The following STK32A variants were observed in gnomAD, a reference collection of about 807,000 sequenced individuals.
STK32A encodes serine/threonine-protein kinase 32A.
A neutral mutation model predicts 53.2 loss-of-function variants in STK32A; 41 were observed. The ratio of observed to expected loss-of-function variants is 0.77; its 90% CI spans 0.60 to 1.00. The LOEUF (loss-of-function observed/expected upper bound fraction) is 1.00, where lower values mean the gene tolerates loss of function less well. Among genes scored for constraint, STK32A ranks in the 50% least tolerant of loss-of-function variants. The pLI is 0.00. For missense variants in STK32A, 458 were observed against 485.8 expected, an observed-to-expected ratio of 0.94 and a Z score of 0.54; for synonymous variants, 166 against 162.8, an observed-to-expected ratio of 1.02 and a Z score of -0.15.
intron 2 of STK32A, among the ~76,000 whole-genome samples, chr5:147,249,415 C>A (rs1753885879): frequency 6.6e-6 from 1 of 152,134 alleles, no homozygotes; most frequent in Non-Finnish European, 1.5e-5. Flanking sequence ...ATTATATAAT[C>A]ATCATGGTTT....
rs557315382 is a variant in STK32A, at chr5:147,385,419, G to C, written c.*1436G>C. ...CTCCCAAAGTGCTGGGATTACAGGCGTGAGCCACCAAACCTGGCCTTAGAA... is the reference window on the plus strand; with the variant it reads ...CTCCCAAAGTGCTGGGATTACAGGCCTGAGCCACCAAACCTGGCCTTAGAA... On this transcript the variant is annotated 3_prime_UTR_variant, in exon 13 of 13. Coordinates refer to ENST00000397936, the MANE Select transcript of STK32A (RefSeq NM_001112724.2). The C allele has an allele frequency of 1.3e-5, 2 of 152,322 alleles. No individual in the cohort carries two copies. The highest frequency in any genetic ancestry group is 4.2e-4 in the South Asian group (2 of 4,818). The allele number at this position is 152,322 out of a possible 1,614,324, so 9.4% of individuals were successfully genotyped here.
chr5:147,252,705 A>AT (rs993768454), intron 2 of STK32A, among the ~76,000 whole-genome samples: 1 of 152,196 alleles, frequency 6.6e-6, no homozygotes, highest in Admixed American at 6.5e-5. Flanking sequence ...CACTGCTAAT[A>AT]TTTTTGGCTG....
At chr5:147,389,641 G>C (rs527792316), downstream of STK32A, among the ~76,000 whole-genome samples, 214 of 152,264 alleles carry the variant, frequency 1.4e-3, 2 homozygotes, top group Admixed American at 0.013. Flanking sequence ...GGCCGAGGCG[G>C]GTGGATTACT....
chr5:147,315,168 T>C (rs1753932282), intron 4 of STK32A, among the ~76,000 whole-genome samples: 1 of 152,190 alleles, frequency 6.6e-6, no homozygotes, highest in African/African-American at 2.4e-5. Context: ...AGTTGGACAG[T>C]TCTTCAAAAA....
At position 147,386,806 on chromosome 5, in the gene STK32A, C is replaced by T. The variant is rs1313044295; in HGVS notation, c.*2823C>T. ...TGACAGTGCTGATTGTAATCACCTCCCACCACTGTGCATTTTAAACATGAG... is the reference window on the plus strand; with the variant it reads ...TGACAGTGCTGATTGTAATCACCTCTCACCACTGTGCATTTTAAACATGAG... On this transcript the variant is annotated 3_prime_UTR_variant, in exon 13 of 13. Coordinates refer to ENST00000397936, the MANE Select transcript of STK32A (RefSeq NM_001112724.2). 6 of 152,314 alleles carry T rather than the reference C, an allele frequency of 3.9e-5. No individual in the cohort carries two copies. The highest frequency in any genetic ancestry group is 1.9e-4 in the East Asian group (1 of 5,188). 9.4% of individuals were successfully genotyped at this position (152,314 alleles called of 1,614,324 possible).
chr5:147,356,161 C>T (rs1157540135), intron 7 of STK32A, among the ~76,000 whole-genome samples: 1 of 151,892 alleles, frequency 6.6e-6, no homozygotes, highest in Non-Finnish European at 1.5e-5. Context: ...ATCACACAGC[C>T]AGTGATTGGC....
chr5:147,358,138 T>C (rs993641494), intron 7 of STK32A, among the ~76,000 whole-genome samples: 4 of 152,060 alleles, frequency 2.6e-5, no homozygotes, highest in Admixed American at 6.6e-5. Flanking sequence ...TAAAAAAATC[T>C]GAAAACCAAA....
At chr5:147,367,679 C>G (rs529377178) in intron 8 of STK32A, among the ~76,000 whole-genome samples, 1 of 152,098 alleles carries the variant, frequency 6.6e-6, no homozygotes, top group Non-Finnish European at 1.5e-5. Flanking sequence ...TCAGTTAAGG[C>G]AGGAACCGGC....
intron 4 of STK32A, among the ~76,000 whole-genome samples, chr5:147,293,482 A>T (rs1051168636): frequency 1.7e-3 from 19 of 11,496 alleles, no homozygotes; most frequent in African/African-American, 6.7e-3. Flanking sequence ...TTCGAGGTAA[A>T]AAAAAAAAAA....
rs894590923 is a variant in STK32A at position 147,364,701 on chromosome 5, C to T, written c.660+3087C>T. ...CAGCTTCTTTCTTGCCCTCACATGA[C>T]GGAGAGAGAGATAATCTCTTTCTCT... On this transcript the variant is annotated intron_variant, in intron 8 of 12. Coordinates refer to ENST00000397936, the MANE Select transcript of STK32A (RefSeq NM_001112724.2). 4.9e-4 allele frequency among the ~76,000 whole-genome samples: 75 copies of T among 152,208 alleles called. 1 individual carries two copies. Among genetic ancestry groups the T allele is most frequent in the Admixed American group, 3.9e-3 (60 of 15,276 alleles).
intron 4 of STK32A, among the ~76,000 whole-genome samples, chr5:147,281,183 T>C (rs1298312055): frequency 1.3e-5 from 2 of 152,074 alleles, no homozygotes; most frequent in Admixed American, 6.6e-5. Flanking sequence ...ACCAGTAATA[T>C]GACAAAACAA....
chr5:147,401,193 C>T, the STK32A span, among the ~76,000 whole-genome samples: 1 of 152,196 alleles, frequency 6.6e-6, no homozygotes, highest in Non-Finnish European at 1.5e-5. Flanking sequence ...GATTTAGCTT[C>T]TCTGACCTTC....
chr5:147,357,210 T>C (rs1268790201), intron 7 of STK32A, among the ~76,000 whole-genome samples: 1 of 152,146 alleles, frequency 6.6e-6, no homozygotes, highest in African/African-American at 2.4e-5. Flanking sequence ...TGTTAATAGA[T>C]TTCTGTTCTG....
At chr5:147,327,671 T>C (rs1754667542) in intron 5 of STK32A, among the ~76,000 whole-genome samples, 2 of 152,236 alleles carry the variant, frequency 1.3e-5, no homozygotes, top group Non-Finnish European at 2.9e-5. Context: ...AGTCTTCCCA[T>C]AGCTCCAGGA....
chr5:147,275,268 T>C (rs989309220), intron 2 of STK32A, among the ~76,000 whole-genome samples: 3 of 152,072 alleles, frequency 2.0e-5, no homozygotes, highest in Non-Finnish European at 4.4e-5. Flanking sequence ...TGCTAACTAG[T>C]GATTCTTTTG....
chr5:147,238,843 A>G, intron 1 of STK32A, among the ~76,000 whole-genome samples: 1 of 151,876 alleles, frequency 6.6e-6, no homozygotes, highest in East Asian at 1.9e-4. Context: ...GTATATAAAC[A>G]TAATATATAC....
At chr5:147,296,086 A>G (rs1752854017) in intron 4 of STK32A, among the ~76,000 whole-genome samples, 1 of 152,232 alleles carries the variant, frequency 6.6e-6, no homozygotes, top group African/African-American at 2.4e-5. Context: ...AAATTTCAAT[A>G]TAGCCAGCTA....
chr5:147,238,579 G>A (rs900781078), intron 1 of STK32A, among the ~76,000 whole-genome samples: 10 of 152,174 alleles, frequency 6.6e-5, no homozygotes, highest in East Asian at 1.9e-4. Context: ...GCCTCAGAGC[G>A]GCTAACAGTT....
intron 2 of STK32A, among the ~76,000 whole-genome samples, chr5:147,264,189 T>C (rs1754706526): frequency 2.0e-5 from 3 of 152,160 alleles, no homozygotes; most frequent in African/African-American, 7.2e-5. Context: ...TGTTTTAAAA[T>C]GTGCTTCAGT....
Sources: allele counts gnomAD v4.1 joint callset (sites outside exome capture counted in the v4.1 genomes callset), GRCh38; gene constraint gnomAD v4.1.1; transcripts MANE v1.5; gene names NCBI Gene and HGNC (gene_info 2026-07-23, HGNC 2026-07-21).